Variants in VTI1A observed in about 807,000 individuals in gnomAD.
VTI1A encodes the protein vesicle transport through interaction with t-SNAREs homolog 1A.
VTI1A carries 22 observed loss-of-function variants against 34.9 expected under a neutral mutation model. That is an observed-to-expected ratio of 0.63 (90% CI 0.45 to 0.90). The LOEUF is 0.90. Among genes scored for constraint, VTI1A ranks in the 40% least tolerant of loss-of-function variants. The probability of loss-of-function intolerance (pLI) is 0.00; values close to 1 mark genes in which losing one functional copy is unlikely to be tolerated. For missense variants in VTI1A, 268 were observed against 275.6 expected (o/e 0.97, Z 0.20); for synonymous variants, 87 against 97.3 (o/e 0.89, Z 0.62).
chr10:112,521,584 A>G (rs1398092069), intron 3 of VTI1A, among the ~76,000 whole-genome samples: 4 of 152,012 alleles, frequency 2.6e-5, no homozygotes, highest in Admixed American at 2.0e-4. Flanking sequence ...TATTTTAGAG[A>G]TGAAGAAACT....
intron 7 of VTI1A, among the ~76,000 whole-genome samples, chr10:112,679,261 G>A (rs1020549501): frequency 3.3e-5 from 5 of 152,120 alleles, no homozygotes; most frequent in Non-Finnish European, 7.3e-5. Context: ...AGAAACAACT[G>A]TGTATATCTT....
At chr10:112,544,067 T>G (rs1850977190) in intron 5 of VTI1A, among the ~76,000 whole-genome samples, 2 of 152,328 alleles carry the variant, frequency 1.3e-5, no homozygotes, top group South Asian at 2.1e-4. Flanking sequence ...TACCATGCTG[T>G]TTTGGTTACT....
At chr10:112,842,056 T>C in the VTI1A span, among the ~76,000 whole-genome samples, 2 of 121,320 alleles carry the variant, frequency 1.6e-5, no homozygotes, top group Non-Finnish European at 3.5e-5. Context: ...TTTTCCTTTT[T>C]TTTTTTTTTT....
chr10:112,716,892 G>T (rs971166516), intron 7 of VTI1A, among the ~76,000 whole-genome samples: 16 of 152,214 alleles, frequency 1.1e-4, no homozygotes, highest in Non-Finnish European at 4.4e-5. Context: ...AAAAGACAAG[G>T]CGGGAGCCAG....
chr10:112,688,113 C>T (rs895384014), intron 7 of VTI1A, among the ~76,000 whole-genome samples: 2 of 151,776 alleles, frequency 1.3e-5, no homozygotes, highest in Admixed American at 1.3e-4. Flanking sequence ...GCCACCATGC[C>T]CGGCTAATTT....
chr10:112,729,372 C>T (rs960394356), intron 7 of VTI1A, among the ~76,000 whole-genome samples: 4 of 152,140 alleles, frequency 2.6e-5, no homozygotes, highest in Admixed American at 6.5e-5. Flanking sequence ...TAGCCCTAAA[C>T]AACTTTTTGC....
In VTI1A at chr10:112,809,364, G is replaced by A. The variant is rs141958053; in HGVS notation, c.561-5926G>A. Among the ~76,000 whole-genome samples, 3 of 152,290 alleles carry A rather than the reference G, an allele frequency of 2.0e-5. No homozygotes were observed. The East Asian group carries it at 5.8e-4, about 29-fold the overall frequency. On this transcript the variant is annotated intron_variant, in intron 7 of 7. Transcript: ENST00000393077. ...AGAGCTTTCCCTTGGCCCATGTTTT[G>A]GGAAGTGCCTAGAGAGAAGCAGATC...
At chr10:112,531,482 GAAA>G (rs11284977) in intron 4 of VTI1A, among the ~76,000 whole-genome samples, 2 of 140,096 alleles carry the variant, frequency 1.4e-5, no homozygotes, top group Admixed American at 7.1e-5. Context: ...CCTAAGCAAA[GAAA>G]AAAAAAAAAA....
intron 7 of VTI1A, among the ~76,000 whole-genome samples, chr10:112,720,063 A>G (rs996528707): frequency 2.6e-5 from 4 of 152,264 alleles, no homozygotes; most frequent in South Asian, 2.1e-4. Context: ...TTATTGACAA[A>G]TAATATTCCA....
In VTI1A at chr10:112,648,153, T is replaced by G. The variant is rs572974272; in HGVS notation, c.428-20065T>G. 3.0e-4 allele frequency among the ~76,000 whole-genome samples: 45 copies of G among 152,358 alleles called. No homozygotes were observed. In the South Asian group the frequency reaches 8.7e-3, roughly 29 times the overall value. ...ACATCTGGATTGATTTGGTAGCTTT[T>G]TATGAAAAAGCTAAAAAGATTTTTC... On this transcript the variant is annotated intron_variant, in intron 5 of 7. Coordinates refer to ENST00000393077, the MANE Select transcript of VTI1A (RefSeq NM_145206.4).
At chr10:112,755,088 A>AT (rs1851234384) in intron 7 of VTI1A, among the ~76,000 whole-genome samples, 3 of 151,948 alleles carry the variant, frequency 2.0e-5, no homozygotes, top group Admixed American at 2.0e-4. Context: ...AACCCTGTCT[A>AT]TACTAAAAGT....
At chr10:112,466,024 A>G (rs373497761) in intron 3 of VTI1A, among the ~76,000 whole-genome samples, 7 of 152,336 alleles carry the variant, frequency 4.6e-5, no homozygotes, top group African/African-American at 1.4e-4. Context: ...ATGAAATTTC[A>G]TATGACTCAC....
chr10:112,608,536 C>A (rs1374473249), intron 5 of VTI1A, among the ~76,000 whole-genome samples: 1 of 151,978 alleles, frequency 6.6e-6, no homozygotes, highest in Non-Finnish European at 1.5e-5. Context: ...GACATGTGGG[C>A]AAATATATCT....
At chr10:112,832,893 G>C in the VTI1A span, among the ~76,000 whole-genome samples, 1 of 152,216 alleles carries the variant, frequency 6.6e-6, no homozygotes, top group African/African-American at 2.4e-5. Context: ...CCCTTGCAGG[G>C]TAGGCAGTGG....
At chr10:112,770,550 C>T (rs561407583) in intron 7 of VTI1A, among the ~76,000 whole-genome samples, 1 of 151,040 alleles carries the variant, frequency 6.6e-6, no homozygotes, top group South Asian at 2.1e-4. Context: ...CGCCTGTCAC[C>T]ACGCCCGGCT....
At chr10:112,497,316 T>A (rs1053790331) in intron 3 of VTI1A, among the ~76,000 whole-genome samples, 1 of 149,758 alleles carries the variant, frequency 6.7e-6, no homozygotes. Context: ...AGACTCCGTC[T>A]CAAAAAAAAA....
chr10:112,772,536 TTTTAA>T (rs2134023895), intron 7 of VTI1A, among the ~76,000 whole-genome samples: 1 of 152,372 alleles, frequency 6.6e-6, no homozygotes, highest in South Asian at 2.1e-4. Context: ...ACACAAAAGT[TTTTAA>T]TTTTGATGAA....
chr10:112,560,384 A>G (rs1337510614), intron 5 of VTI1A, among the ~76,000 whole-genome samples: 1 of 152,110 alleles, frequency 6.6e-6, no homozygotes, highest in African/African-American at 2.4e-5. Context: ...GTTTAATGTT[A>G]TGTCTTCAAA....
intron 7 of VTI1A, among the ~76,000 whole-genome samples, chr10:112,760,170 G>C (rs1564915023): frequency 6.6e-6 from 1 of 152,174 alleles, no homozygotes; most frequent in Non-Finnish European, 1.5e-5. Flanking sequence ...ATCCAAGGGG[G>C]ATACGTTCCA....
Sources: gnomAD v4.1 joint callset for allele counts (sites outside exome capture counted in the v4.1 genomes callset) on GRCh38, gnomAD v4.1.1 for gene constraint, MANE v1.5 for transcripts, NCBI Gene and HGNC (gene_info 2026-07-23, HGNC 2026-07-21) for gene names.